Variants in STX18 observed in about 807,000 individuals in gnomAD.
The protein encoded by STX18 is syntaxin 18.
In STX18, 40 loss-of-function variants were observed where a neutral mutation model predicts 50.1. The ratio of observed to expected loss-of-function variants is 0.80; its 90% CI spans 0.62 to 1.04. STX18 has a LOEUF of 1.04. STX18 is among the 50% of genes least tolerant of loss of function. STX18 has a pLI of 0.00. For synonymous variants in STX18, 158 were observed against 151.8 expected (o/e 1.04, Z -0.30); for missense variants, 410 against 415.8 (o/e 0.99, Z 0.12).
chr4:4,521,156 C>A (rs976630669), intron 1 of STX18, among the ~76,000 whole-genome samples: 1 of 152,104 alleles, frequency 6.6e-6, no homozygotes, highest in African/African-American at 2.4e-5. Flanking sequence ...TCCTCATAGG[C>A]AAAAAGAAAA....
chr4:4,495,961 C>A (rs1489476469), intron 1 of STX18, among the ~76,000 whole-genome samples: 1 of 152,142 alleles, frequency 6.6e-6, no homozygotes, highest in Non-Finnish European at 1.5e-5. Context: ...ATAAGAGCAT[C>A]TATGATTATC....
At chr4:4,454,567 A>G (rs113532251) in intron 5 of STX18, among the ~76,000 whole-genome samples, 1 of 152,160 alleles carries the variant, frequency 6.6e-6, no homozygotes, top group African/African-American at 2.4e-5. Context: ...TCAGAGGCCT[A>G]CCTCCTTCTC....
At chr4:4,500,633 A>G (rs1176463155) in intron 1 of STX18, among the ~76,000 whole-genome samples, 1 of 152,254 alleles carries the variant, frequency 6.6e-6, no homozygotes, top group Non-Finnish European at 1.5e-5. Flanking sequence ...ACCATATTAT[A>G]TGTAATTCCT....
At chr4:4,533,984 C>G (rs887546094) in intron 1 of STX18, among the ~76,000 whole-genome samples, 3 of 152,172 alleles carry the variant, frequency 2.0e-5, no homozygotes, top group Non-Finnish European at 2.9e-5. Context: ...CAGGAGAGAA[C>G]CTGGCATCCA....
intron 5 of STX18, among the ~76,000 whole-genome samples, chr4:4,449,744 C>T (rs1190612851): frequency 6.6e-6 from 1 of 152,178 alleles, no homozygotes; most frequent in African/African-American, 2.4e-5. Flanking sequence ...GGGAGCAGTG[C>T]TTTGACACTA....
At chr4:4,494,665 A>C (rs1577373314) in intron 1 of STX18, among the ~76,000 whole-genome samples, 1 of 149,202 alleles carries the variant, frequency 6.7e-6, no homozygotes, top group South Asian at 2.1e-4. Flanking sequence ...ATATTGAATC[A>C]CATGCTGAGG....
At chr4:4,451,156 T>C (rs980470697) in intron 5 of STX18, among the ~76,000 whole-genome samples, 2 of 152,250 alleles carry the variant, frequency 1.3e-5, no homozygotes, top group African/African-American at 4.8e-5. Flanking sequence ...TTTCTCTGAC[T>C]GAAGGCTGAA....
At chr4:4,425,543 CTGACT>C (rs1725203220) in intron 7 of STX18, 3 of 482,272 alleles carry the variant, frequency 6.2e-6, no homozygotes, top group South Asian at 2.9e-5. Flanking sequence ...GGCCTGCTTC[CTGACT>C]CTAGTACCAT....
chr4:4,452,179 G>A (rs1269763803), intron 5 of STX18, among the ~76,000 whole-genome samples: 2 of 152,220 alleles, frequency 1.3e-5, no homozygotes, highest in Admixed American at 6.5e-5. Context: ...TAAGAAAGGT[G>A]AGGAAGCTGC....
At chr4:4,531,307 C>G (rs1185642919) in intron 1 of STX18, among the ~76,000 whole-genome samples, 2 of 152,158 alleles carry the variant, frequency 1.3e-5, no homozygotes, top group African/African-American at 4.8e-5. Flanking sequence ...ACTTTTTCTT[C>G]ACTTCCAGGT....
rs371765463 is a variant in STX18, at chr4:4,420,451, C to T, written c.913-322G>A. ...TTGTGTTTCCCAGTAACATGATGTCCGTGGTGACCCAACCCTGAGGACTGA... is the reference window on the plus strand; with the variant it reads ...TTGTGTTTCCCAGTAACATGATGTCTGTGGTGACCCAACCCTGAGGACTGA... On this transcript the variant is annotated intron_variant, in intron 10 of 10. Transcript: ENST00000306200. This position sits in a 1 kb window ranked among gnomAD's most constrained non-coding sequence, Gnocchi z 4.3. 4.4e-5 allele frequency: 18 copies of T among 413,442 alleles called. No homozygotes were observed. The highest frequency in any genetic ancestry group is 8.0e-5 in the African/African-American group (4 of 50,024). The allele number at this position is 413,442 out of a possible 1,614,324, so 25.6% of individuals were successfully genotyped here.
At chr4:4,470,745 G>A (rs1361709421) in intron 2 of STX18, among the ~76,000 whole-genome samples, 1 of 152,132 alleles carries the variant, frequency 6.6e-6, no homozygotes, top group East Asian at 1.9e-4. Context: ...CATAGGCCTG[G>A]GCCCTGCACC....
intron 1 of STX18, among the ~76,000 whole-genome samples, chr4:4,481,184 C>T (rs925772738): frequency 3.3e-4 from 51 of 152,328 alleles, no homozygotes; most frequent in African/African-American, 1.2e-3. Flanking sequence ...TCTCAAAGAG[C>T]GACCGCATTC....
In STX18 at chr4:4,484,029, T is replaced by C. The variant is rs566651907; in HGVS notation, c.169-12323A>G. The stretch of plus-strand genomic sequence containing the variant: ...GGTGCGTGCCACCATGCCCAGCTAA[T>C]TTTTTTGTATTTTTAGTAGAGATGG... On this transcript the variant is annotated intron_variant, in intron 1 of 10. Transcript: ENST00000306200. 8.3e-5 allele frequency among the ~76,000 whole-genome samples: 12 copies of C among 145,160 alleles called. No individual in the cohort carries two copies. The East Asian group carries it at 1.7e-3, about 21-fold the overall frequency.
At chr4:4,464,376 G>A (rs1419416614) in intron 2 of STX18, among the ~76,000 whole-genome samples, 7 of 152,128 alleles carry the variant, frequency 4.6e-5, no homozygotes, top group Non-Finnish European at 1.0e-4. Context: ...TGGCATTTTC[G>A]ATGACTTGCA....
intron 5 of STX18, among the ~76,000 whole-genome samples, chr4:4,453,164 A>G (rs1226255068): frequency 6.6e-6 from 1 of 152,264 alleles, no homozygotes; most frequent in African/African-American, 2.4e-5. Flanking sequence ...AACTTGGTTG[A>G]CAAAGCAGCA....
intron 7 of STX18, among the ~76,000 whole-genome samples, chr4:4,426,826 T>C (rs1251642224): frequency 6.6e-6 from 1 of 152,192 alleles, no homozygotes; most frequent in Admixed American, 6.5e-5. Flanking sequence ...CCTTGCCCGC[T>C]GACCCTACAG....
chr4:4,509,044 A>T (rs1367982401), intron 1 of STX18, among the ~76,000 whole-genome samples: 2 of 152,234 alleles, frequency 1.3e-5, no homozygotes, highest in Non-Finnish European at 2.9e-5. Flanking sequence ...GTATCTTTAC[A>T]ACAGAATGAT....
chr4:4,479,393 G>C (rs1025339467), intron 1 of STX18, among the ~76,000 whole-genome samples: 1 of 152,164 alleles, frequency 6.6e-6, no homozygotes, highest in African/African-American at 2.4e-5. Context: ...TGTCCCATCT[G>C]AGTACAATTA....
Sources: allele counts gnomAD v4.1 joint callset (sites outside exome capture counted in the v4.1 genomes callset), GRCh38; gene constraint gnomAD v4.1.1; non-coding constraint Gnocchi (gnomAD v3.1); transcripts MANE v1.5; gene names NCBI Gene and HGNC (gene_info 2026-07-23, HGNC 2026-07-21).